SCN11A: variants seen among roughly 807,000 people sequenced by gnomAD.
The protein encoded by SCN11A is sodium voltage-gated channel alpha subunit 11.
In SCN11A, 122 loss-of-function variants were observed where a neutral mutation model predicts 162.2. The observed-to-expected ratio is 0.75, with a 90% CI of 0.65 to 0.87. SCN11A has a LOEUF of 0.87. Ranked by LOEUF, SCN11A falls within the 40% of genes least tolerant of loss-of-function variation. SCN11A has a pLI of 0.00. For synonymous variants in SCN11A, 758 were observed against 751.5 expected, an observed-to-expected ratio of 1.01 and a Z score of -0.14; for missense variants, 2,015 against 2,181.6, an observed-to-expected ratio of 0.92 and a Z score of 1.52.
chr3:38,926,998 T>C (rs2066153720), intron 7 of SCN11A, 67 bp from the exon 8 acceptor site: 2 of 1,446,132 alleles, frequency 1.4e-6, no homozygotes, highest in Non-Finnish European at 1.9e-6. Flanking sequence ...AGAGCCCTTC[T>C]ATCTTACTGG....
Position 38,925,518 on chromosome 3 carries a change from C to A in SCN11A, c.618-9G>T, listed in dbSNP as rs1325967788. The A allele has an allele frequency of 6.3e-7, 1 of 1,596,248 alleles. No homozygotes were observed. The highest frequency in any genetic ancestry group is 1.1e-5 in the South Asian group (1 of 90,696). ...GAATATATGACACAATCCTACAAGACAAAGCACAGGGAAGGCATGGGCTTG... is the reference window on the plus strand; with the variant it reads ...GAATATATGACACAATCCTACAAGAAAAAGCACAGGGAAGGCATGGGCTTG... On this transcript the variant is annotated splice_polypyrimidine_tract_variant and intron_variant, in intron 8 of 29. Coordinates refer to ENST00000302328, the MANE Select transcript of SCN11A (RefSeq NM_001349253.2).
intron 1 of SCN11A, among the ~76,000 whole-genome samples, chr3:39,043,483 CAAA>C (rs34032181): frequency 6.6e-5 from 7 of 105,274 alleles, no homozygotes; most frequent in Admixed American, 4.0e-4. Context: ...ACTATACAGC[CAAA>C]AAAAAAAAAA....
At position 38,903,921 on chromosome 3, in the gene SCN11A, T is replaced by G. The variant is rs371438698; in HGVS notation, c.1786A>C (p.Met596Leu). Reference protein sequence around the residue: ...CIIINTVFLAMEHHKMEASFE... With the variant: ...CIIINTVFLALEHHKMEASFE... ...CTGGCCTCCATCTTGTGATGCTCCA[T>G]GGCCAAGAAGACAGTGTTGATGATG... Residue 596 changes from methionine to leucine, a missense_variant, in exon 16 of 30, where the codon ATG becomes CTG. Met to Leu is a conservative substitution (Grantham distance 15). Coordinates refer to ENST00000302328, the MANE Select transcript of SCN11A (RefSeq NM_001349253.2). The G allele has an allele frequency of 1.9e-6, 3 of 1,614,002 alleles. No homozygotes were observed. The South Asian group carries it at 3.3e-5, about 18-fold the overall frequency.
At chr3:38,874,650 C>G (rs894556336) in intron 23 of SCN11A, among the ~76,000 whole-genome samples, 1 of 152,182 alleles carries the variant, frequency 6.6e-6, no homozygotes, top group Non-Finnish European at 1.5e-5. Flanking sequence ...CACTTCTGTG[C>G]TAACTGGTGA....
intron 7 of SCN11A, among the ~76,000 whole-genome samples, chr3:38,935,168 C>G (rs902210466): frequency 2.6e-5 from 4 of 152,140 alleles, no homozygotes; most frequent in Non-Finnish European, 5.9e-5. Flanking sequence ...TAAAGATGTT[C>G]TTTGAAACCA....
intron 26 of SCN11A, 112 bp downstream of exon 26, chr3:38,870,579 G>C: frequency 1.2e-6 from 1 of 829,970 alleles, no homozygotes; most frequent in Non-Finnish European, 2.0e-6. Context: ...AAGAAAACAA[G>C]GCAGAGAACC....
chr3:39,039,726 C>A (rs1447344368), intron 1 of SCN11A, among the ~76,000 whole-genome samples: 1 of 152,132 alleles, frequency 6.6e-6, no homozygotes, highest in African/African-American at 2.4e-5. Context: ...CCTATCCCCT[C>A]CAGTGATGAG....
At chr3:38,925,859 C>A (rs1002027087) in intron 8 of SCN11A, among the ~76,000 whole-genome samples, 1 of 152,232 alleles carries the variant, frequency 6.6e-6, no homozygotes, top group Non-Finnish European at 1.5e-5. Context: ...ACTAAAGTCT[C>A]CTGCCACTAC....
intron 7 of SCN11A, among the ~76,000 whole-genome samples, chr3:38,933,964 C>G (rs1435568275): frequency 6.6e-6 from 1 of 152,196 alleles, no homozygotes; most frequent in Non-Finnish European, 1.5e-5. Flanking sequence ...ATGTTAAGCG[C>G]AGCCAGAGAG....
At chr3:38,919,768 T>C (rs1284998321) in intron 11 of SCN11A, among the ~76,000 whole-genome samples, 167 bp downstream of exon 11, 1 of 152,208 alleles carries the variant, frequency 6.6e-6, no homozygotes, top group African/African-American at 2.4e-5. Context: ...CACCAGGAAA[T>C]GATTTTTTAA....
At position 38,899,940 on chromosome 3, in the gene SCN11A, C is replaced by T. The variant is rs762076443; in HGVS notation, c.1976G>A (p.Cys659Tyr). ...TGGCCAGCTTCTCTTTTGAAGTACACAGTTCATTACATCTGCAAAACTCAG... is the reference window on the plus strand; with the variant it reads ...TGGCCAGCTTCTCTTTTGAAGTACATAGTTCATTACATCTGCAAAACTCAG... Reference protein sequence around the residue: ...ALLSFADVMNCVLQKRSWPFL... With the variant: ...ALLSFADVMNYVLQKRSWPFL... The change falls in exon 17 of 30, where the codon TGT becomes TAT. Residue 659 changes from cysteine (C) to tyrosine (Y), a missense_variant. Coordinates refer to ENST00000302328, the MANE Select transcript of SCN11A (RefSeq NM_001349253.2). 6.2e-7 allele frequency: 1 copy of T among 1,614,086 alleles called. No individual in the cohort carries two copies. Among genetic ancestry groups the T allele is most frequent in the South Asian group, 1.1e-5 (1 of 91,072 alleles).
intron 17 of SCN11A, among the ~76,000 whole-genome samples, chr3:38,899,445 A>G (rs774428537): frequency 5.9e-5 from 9 of 152,248 alleles, no homozygotes; most frequent in Non-Finnish European, 1.0e-4. Flanking sequence ...TGAGATAGAT[A>G]GCACCTGCCA....
chr3:38,851,235 C>A (rs2126080221), intron 28 of SCN11A, among the ~76,000 whole-genome samples: 1 of 152,270 alleles, frequency 6.6e-6, no homozygotes, highest in East Asian at 1.9e-4. Context: ...TGCCAATTCA[C>A]AATAATCAGA....
Position 38,847,672 on chromosome 3 carries a change from G to A in SCN11A, c.4398C>T (p.Arg1466=), listed in dbSNP as rs574952870. The change falls in exon 30 of 30, where the codon CGC becomes CGT. Residue 1466 remains arginine, a synonymous_variant. Transcript: ENST00000302328. ...PFPPTLFRIV[R]LARIGRILRL... is the part of the protein sequence containing the mutation. Reference sequence around the variant, plus strand: ...TCAGGATTCGGCCAATCCGAGCCAAGCGGACAATTCTGAAGAGCGTCGGAG... The same window carrying A: ...TCAGGATTCGGCCAATCCGAGCCAAACGGACAATTCTGAAGAGCGTCGGAG... 2.7e-5 allele frequency: 44 copies of A among 1,613,806 alleles called. No homozygotes were observed. In the East Asian group the frequency reaches 9.4e-4, roughly 34 times the overall value.
chr3:38,911,400 G>C (rs988252756), intron 11 of SCN11A, among the ~76,000 whole-genome samples: 2 of 151,974 alleles, frequency 1.3e-5, no homozygotes, highest in African/African-American at 2.4e-5. Flanking sequence ...TTTGATTTTT[G>C]TTCCTTTTTG....
intron 11 of SCN11A, among the ~76,000 whole-genome samples, chr3:38,917,715 ACT>A (rs2065981886): frequency 6.6e-6 from 1 of 152,178 alleles, no homozygotes; most frequent in South Asian, 2.1e-4. Context: ...ACTAATGGGT[ACT>A]AGATTTAATA....
intron 2 of SCN11A, among the ~76,000 whole-genome samples, chr3:39,004,810 C>G (rs957169916): frequency 6.6e-6 from 1 of 152,118 alleles, no homozygotes; most frequent in African/African-American, 2.4e-5. Flanking sequence ...TTTCTTTCCA[C>G]TCTTCATACA....
intron 29 of SCN11A, 180 bp downstream of exon 29, chr3:38,850,301 C>A: frequency 1.7e-6 from 1 of 596,872 alleles, no homozygotes; most frequent in South Asian, 2.1e-5. Context: ...AGAAATTACT[C>A]TCTATCTCCT....
intron 7 of SCN11A, among the ~76,000 whole-genome samples, chr3:38,938,509 CATATATATATATATATATATATAT>C (rs1166609754): frequency 1.4e-4 from 5 of 35,528 alleles, no homozygotes; most frequent in Admixed American, 1.0e-3. Context: ...GGAAAAATAT[CATATATATATATATATATATATAT>C]ATATATATAT....
Sources: allele counts gnomAD v4.1 joint callset (sites outside exome capture counted in the v4.1 genomes callset), GRCh38; gene constraint gnomAD v4.1.1; transcripts MANE v1.5; gene names NCBI Gene and HGNC (gene_info 2026-07-23, HGNC 2026-07-21).